The following ADGRG6 variants were observed in gnomAD, a reference collection of about 807,000 sequenced individuals.
ADGRG6 encodes the protein adhesion G protein-coupled receptor G6.
ADGRG6 carries 84 observed loss-of-function variants against 142.4 expected under a neutral mutation model. The observed-to-expected ratio is 0.59, with a 90% CI of 0.49 to 0.71. ADGRG6 has a LOEUF of 0.71. Among genes scored for constraint, ADGRG6 ranks in the 30% least tolerant of loss-of-function variants. The pLI is 0.00. For synonymous variants in ADGRG6, 521 were observed against 520.5 expected (o/e 1.00, Z -0.01); for missense variants, 1,367 against 1,466.6 (o/e 0.93, Z 1.11).
intron 1 of ADGRG6, among the ~76,000 whole-genome samples, chr6:142,304,591 G>T (rs1777392690): frequency 6.6e-6 from 1 of 152,136 alleles, no homozygotes; most frequent in African/African-American, 2.4e-5. Context: ...ATTTGAAAGA[G>T]AATTAGTTTA....
At chr6:142,350,906 A>G (rs1020447954) in intron 2 of ADGRG6, among the ~76,000 whole-genome samples, 1 of 152,166 alleles carries the variant, frequency 6.6e-6, no homozygotes, top group Non-Finnish European at 1.5e-5. Context: ...ACAGAACCAA[A>G]TAAGAGTCTG....
intron 2 of ADGRG6, among the ~76,000 whole-genome samples, chr6:142,336,906 A>G (rs964673827): frequency 6.6e-6 from 1 of 152,150 alleles, no homozygotes. Context: ...ATCATGCTGT[A>G]CTACCTAGGA....
intron 8 of ADGRG6, among the ~76,000 whole-genome samples, chr6:142,393,420 G>A (rs560128722): frequency 5.7e-4 from 86 of 151,962 alleles, no homozygotes; most frequent in Non-Finnish European, 1.0e-3. Context: ...CTAACTTTTC[G>A]AAATTATCCT....
At chr6:142,362,800 A>G (rs533290241) in intron 2 of ADGRG6, among the ~76,000 whole-genome samples, 1 of 152,316 alleles carries the variant, frequency 6.6e-6, no homozygotes, top group African/African-American at 2.4e-5. Context: ...GAGAAATGGT[A>G]TGTGGCTATC....
At chr6:142,332,700 A>G (rs1779117405) in intron 2 of ADGRG6, among the ~76,000 whole-genome samples, 2 of 152,200 alleles carry the variant, frequency 1.3e-5, no homozygotes, top group African/African-American at 2.4e-5. Context: ...GAGACACAAT[A>G]TAGTAGATTG....
chr6:142,361,003 G>C (rs1384019900), intron 2 of ADGRG6, among the ~76,000 whole-genome samples: 2 of 152,262 alleles, frequency 1.3e-5, no homozygotes, highest in African/African-American at 4.8e-5. Context: ...AGTGGCCAAG[G>C]CAGCTGCTGC....
Position 142,402,821 on chromosome 6 carries a change from C to T in ADGRG6, c.1946C>T (p.Ser649Leu). 1.3e-6 allele frequency: 2 copies of T among 1,550,732 alleles called. No individual in the cohort carries two copies. Among genetic ancestry groups the T allele is most frequent in the South Asian group, 2.4e-5 (2 of 84,208 alleles). Reference protein sequence around the residue: ...LSSSDSDLLESSSEALKTIDE... With the variant: ...LSSSDSDLLELSSEALKTIDE... The stretch of plus-strand genomic sequence containing the variant: ...AGTTCAGACAGTGACTTGCTTGAGT[C>T]ATCTTCTGAGTAAGTATTTTTTTTT... Residue 649 changes from serine (S) to leucine (L), a missense_variant, in exon 13 of 25, where the codon TCA becomes TTA. Around this residue, in one of 3 missense-constraint regions of ADGRG6, gnomAD observed 286 missense variants for 371.4 expected, o/e 0.77. Coordinates refer to ENST00000367609, the MANE Select transcript of ADGRG6 (RefSeq NM_198569.3).
Position 142,408,417 on chromosome 6 carries a change from T to C in ADGRG6, c.2388+148T>C, listed in dbSNP as rs1328907961. 12 of 539,618 alleles carry C rather than the reference T, an allele frequency of 2.2e-5. No individual in the cohort carries two copies. The East Asian group carries it at 3.2e-4, about 15-fold the overall frequency. 33.4% of individuals were successfully genotyped at this position (539,618 alleles called of 1,614,324 possible). A position where few individuals can be genotyped will look rare whatever the true frequency, so the allele number is the denominator to read the frequency against. ...TATAAAGAGAGAACAACTGATCAGG[T>C]AGTGCTTTAAAGTCACAGTAAATTG... On this transcript the variant is annotated intron_variant, in intron 16 of 24. Transcript: ENST00000367609.
At chr6:142,394,058 T>TA (rs2114985237) in intron 9 of ADGRG6, 100 bp downstream of exon 9, 1 of 765,154 alleles carries the variant, frequency 1.3e-6, no homozygotes, top group Non-Finnish European at 2.2e-6. Context: ...AAGAAAAACT[T>TA]AATCACATAG....
At chr6:142,391,931 G>C (rs1774917833) in intron 7 of ADGRG6, among the ~76,000 whole-genome samples, 1 of 151,838 alleles carries the variant, frequency 6.6e-6, no homozygotes, top group African/African-American at 2.4e-5. Context: ...TGCTAGATAA[G>C]GTATAAGCTT....
intron 22 of ADGRG6, among the ~76,000 whole-genome samples, chr6:142,427,701 G>A (rs1475947649): frequency 6.6e-6 from 1 of 152,174 alleles, no homozygotes; most frequent in African/African-American, 2.4e-5. Flanking sequence ...AAAGAAAGAG[G>A]TTTAATTGCA....
At chr6:142,405,358 A>G (rs1035396430) in intron 14 of ADGRG6, 3 of 471,106 alleles carry the variant, frequency 6.4e-6, no homozygotes, top group Non-Finnish European at 1.3e-5. Flanking sequence ...ATCTTTCACT[A>G]CGTGTTTTGA....
intron 2 of ADGRG6, among the ~76,000 whole-genome samples, chr6:142,340,681 G>A (rs1779576737): frequency 6.6e-6 from 1 of 152,042 alleles, no homozygotes; most frequent in South Asian, 2.1e-4. Flanking sequence ...ATTTTTCTGA[G>A]AGAGACATTC....
At chr6:142,333,602 G>A (rs1038668097) in intron 2 of ADGRG6, among the ~76,000 whole-genome samples, 38 of 152,144 alleles carry the variant, frequency 2.5e-4, no homozygotes, top group Admixed American at 1.7e-3. Context: ...CTCCTGCCTT[G>A]GCCACCAAAA....
At chr6:142,377,405 A>G (rs1165588023) in intron 4 of ADGRG6, among the ~76,000 whole-genome samples, 1 of 152,100 alleles carries the variant, frequency 6.6e-6, no homozygotes, top group Admixed American at 6.6e-5. Context: ...CCCACCTCCC[A>G]CAAGTCGGGC....
chr6:142,438,184 G>T, intron 23 of ADGRG6, 28 bp from the exon 24 acceptor site: 1 of 1,501,000 alleles, frequency 6.7e-7, no homozygotes, highest in Non-Finnish European at 9.0e-7. Flanking sequence ...AAAGCAGATT[G>T]ATAGGGTGAT....
chr6:142,350,709 G>C (rs1386718882), intron 2 of ADGRG6, among the ~76,000 whole-genome samples: 1 of 152,126 alleles, frequency 6.6e-6, no homozygotes. Context: ...CTTTTATCAT[G>C]ATCAGTGGGA....
At position 142,403,824 on chromosome 6, in the gene ADGRG6, T is replaced by C; in HGVS notation, c.1978T>C (p.Leu660=). 1 of 1,584,344 alleles carries C rather than the reference T, an allele frequency of 6.3e-7. No individual in the cohort carries two copies. The highest frequency in any genetic ancestry group is 1.2e-5 in the South Asian group (1 of 85,076). The change falls in exon 14 of 25, where the codon TTG becomes CTG. Residue 660 remains leucine, a synonymous_variant. Transcript: ENST00000367609. ...TAGAGCTTTAAAAACAATTGATGAA[T>C]TGGCCTTCAAGATAGACCTAAATAG... ...SSEALKTIDE[L]AFKIDLNSTS... is the part of the protein sequence containing the mutation.
intron 2 of ADGRG6, among the ~76,000 whole-genome samples, chr6:142,342,261 A>C (rs1370954601): frequency 1.3e-5 from 2 of 152,082 alleles, no homozygotes. Flanking sequence ...AAACATAGGA[A>C]ACTTTATCTC....
Sources: allele counts gnomAD v4.1 joint callset (sites outside exome capture counted in the v4.1 genomes callset), GRCh38; gene constraint gnomAD v4.1.1; regional missense constraint gnomAD v4.1.1; transcripts MANE v1.5; gene names NCBI Gene and HGNC (gene_info 2026-07-23, HGNC 2026-07-21).